PTPRD: variants seen among roughly 807,000 people sequenced by gnomAD.
PTPRD encodes protein tyrosine phosphatase receptor type D.
Under a neutral mutation model 214.5 loss-of-function variants are expected in PTPRD, and 34 were observed. That is an observed-to-expected ratio of 0.16 (90% confidence interval 0.12 to 0.21). The LOEUF is 0.21. Among genes scored for constraint, PTPRD ranks in the 10% least tolerant of loss-of-function variants. The pLI is 1.00. For synonymous variants in PTPRD, 1,128 were observed against 845.7 expected, an observed-to-expected ratio of 1.33 and a Z score of -5.79; for missense variants, 2,545 against 2,398.7, an observed-to-expected ratio of 1.06 and a Z score of -1.27.
chr9:9,803,537 T>C (rs1166716116), intron 5 of PTPRD, among the ~76,000 whole-genome samples: 9 of 152,066 alleles, frequency 5.9e-5, no homozygotes, highest in South Asian at 4.1e-4. Flanking sequence ...GCATCCCAAA[T>C]AGATAAAACT....
intron 37 of PTPRD, 71 bp downstream of exon 37, chr9:8,389,161 G>C (rs1301683464): frequency 1.5e-6 from 2 of 1,364,746 alleles, no homozygotes; most frequent in African/African-American, 2.9e-5. Flanking sequence ...ATTCTGAACA[G>C]AATAAAATAT....
At chr9:8,389,480 G>C (rs2135680478) in intron 36 of PTPRD, 73 bp from the exon 37 acceptor site, 2 of 1,146,964 alleles carry the variant, frequency 1.7e-6, no homozygotes, top group Non-Finnish European at 2.5e-6. Flanking sequence ...ATGACCTAAT[G>C]GCAGTGCTAT....
At chr9:10,521,300 T>C (rs137874464) in intron 2 of PTPRD, among the ~76,000 whole-genome samples, 47 of 152,196 alleles carry the variant, frequency 3.1e-4, no homozygotes, top group African/African-American at 1.1e-3. Flanking sequence ...GAACTAGAAT[T>C]AGAAATGGAT....
intron 12 of PTPRD, among the ~76,000 whole-genome samples, chr9:8,691,155 T>G (rs538716644): frequency 6.6e-6 from 1 of 152,292 alleles, no homozygotes; most frequent in East Asian, 1.9e-4. Context: ...TCCCCGAATA[T>G]TCCCCATGGC....
Position 9,798,878 on chromosome 9 carries a change from T to A in PTPRD, c.-367-32027A>T, listed in dbSNP as rs774201582. On this transcript the variant is annotated intron_variant, in intron 5 of 45. Transcript: ENST00000381196. ...ACCCAAATTACCAAAGCATAGTGGG[T>A]GTGAATCTCTAATCCTGAGACATAA... is the stretch of plus-strand genomic sequence containing the variant. Among the ~76,000 whole-genome samples the A allele has an allele frequency of 3.3e-5, 5 of 152,168 alleles. 1 individual carries two copies.
chr9:9,070,104 G>T (rs542844497), intron 10 of PTPRD, among the ~76,000 whole-genome samples: 7 of 152,260 alleles, frequency 4.6e-5, no homozygotes, highest in South Asian at 2.1e-4. Flanking sequence ...TAGGAGAACA[G>T]CTGAGCTTCA....
chr9:8,481,627 G>A (rs953914804), intron 30 of PTPRD, among the ~76,000 whole-genome samples: 2 of 151,986 alleles, frequency 1.3e-5, no homozygotes, highest in African/African-American at 4.8e-5. Context: ...ATCCCTCTCT[G>A]TGTCCTCTAC....
chr9:9,395,165 T>C (rs1447484326), intron 9 of PTPRD, among the ~76,000 whole-genome samples: 1 of 149,742 alleles, frequency 6.7e-6, no homozygotes, highest in African/African-American at 2.4e-5. Context: ...CAGTTGATGC[T>C]GACCCTCCCA....
intron 10 of PTPRD, among the ~76,000 whole-genome samples, chr9:9,087,557 T>C (rs1432673022): frequency 6.6e-6 from 1 of 152,054 alleles, no homozygotes; most frequent in Admixed American, 6.5e-5. Flanking sequence ...TACAGAGAAG[T>C]GATTTCAAGG....
chr9:10,135,991 A>G (rs1048967957), intron 3 of PTPRD, among the ~76,000 whole-genome samples: 2 of 151,710 alleles, frequency 1.3e-5, no homozygotes, highest in African/African-American at 2.4e-5. Context: ...CAAGAGACCC[A>G]CGTCATATGT....
chr9:8,395,697 G>T (rs892263499), intron 36 of PTPRD, among the ~76,000 whole-genome samples: 8 of 151,872 alleles, frequency 5.3e-5, no homozygotes, highest in African/African-American at 1.9e-4. Flanking sequence ...TGAGCTAATG[G>T]AGAAACAGAT....
intron 3 of PTPRD, among the ~76,000 whole-genome samples, chr9:10,234,761 T>C (rs1226626027): frequency 3.3e-5 from 5 of 151,928 alleles, no homozygotes; most frequent in African/African-American, 1.2e-4. Context: ...GAGAATGAAG[T>C]GAATCCTGTT....
chr9:10,236,895 C>T (rs1311979785), intron 3 of PTPRD, among the ~76,000 whole-genome samples: 1 of 151,764 alleles, frequency 6.6e-6, no homozygotes, highest in African/African-American at 2.4e-5. Context: ...AAAATACTTA[C>T]ACCATTAAGT....
intron 10 of PTPRD, among the ~76,000 whole-genome samples, chr9:9,157,029 A>G (rs2099881810): frequency 1.3e-5 from 2 of 152,240 alleles, no homozygotes; most frequent in African/African-American, 4.8e-5. Context: ...GGACAAGAAT[A>G]AATAGCAATG....
At chr9:9,285,695 G>C (rs562378117) in intron 9 of PTPRD, among the ~76,000 whole-genome samples, 2 of 151,656 alleles carry the variant, frequency 1.3e-5, no homozygotes, top group Non-Finnish European at 2.9e-5. Flanking sequence ...GTCATTTCAT[G>C]TCTTGACCCC....
At chr9:9,368,949 C>T (rs2058652189) in intron 9 of PTPRD, among the ~76,000 whole-genome samples, 1 of 151,914 alleles carries the variant, frequency 6.6e-6, no homozygotes, top group African/African-American at 2.4e-5. Context: ...GTAGGATGTT[C>T]CCCTTCCTGT....
At chr9:9,918,338 T>C (rs2081519130) in intron 5 of PTPRD, among the ~76,000 whole-genome samples, 1 of 92,360 alleles carries the variant, frequency 1.1e-5, no homozygotes, top group East Asian at 3.0e-4. Context: ...AGGAATAAAT[T>C]TAACCAAAGA....
At chr9:9,492,077 C>T (rs531950020) in intron 8 of PTPRD, among the ~76,000 whole-genome samples, 3 of 151,616 alleles carry the variant, frequency 2.0e-5, no homozygotes, top group Non-Finnish European at 4.4e-5. Flanking sequence ...ACCAATTATA[C>T]AGAAATAAAA....
At chr9:10,376,942 A>G (rs764689107) in intron 2 of PTPRD, among the ~76,000 whole-genome samples, 9 of 151,982 alleles carry the variant, frequency 5.9e-5, no homozygotes, top group Non-Finnish European at 1.3e-4. Flanking sequence ...TAAATGTACA[A>G]TTAAATTGTT....
Sources: gnomAD v4.1 joint callset for allele counts (sites outside exome capture counted in the v4.1 genomes callset) on GRCh38, gnomAD v4.1.1 for gene constraint, MANE v1.5 for transcripts, NCBI Gene and HGNC (gene_info 2026-07-23, HGNC 2026-07-21) for gene names.